MED13L: variants seen among roughly 807,000 people sequenced by gnomAD.
The protein encoded by MED13L is mediator of RNA polymerase II transcription subunit 13-like.
Under a neutral mutation model 220.9 loss-of-function variants are expected in MED13L, and 7 were observed. That is an observed-to-expected ratio of 0.03 (90% CI 0.02 to 0.06). The LOEUF is 0.06. Ranked by LOEUF, MED13L falls within the 10% of genes least tolerant of loss-of-function variation. MED13L has a pLI of 1.00. For missense variants in MED13L, 1,965 were observed against 2,760.5 expected (o/e 0.71, Z 6.46); for synonymous variants, 1,011 against 1,015.2 (o/e 1.00, Z 0.08).
Position 116,076,059 on chromosome 12 carries a change from G to A in MED13L, c.479+20610C>T, listed in dbSNP as rs552101155. On this transcript the variant is annotated intron_variant, in intron 4 of 30. Transcript: ENST00000281928. ...CTCCCGAGTAGCTGGGACTACAGGC[G>A]CCCGCTACCACGCCCGGCTAATTTT... Among the ~76,000 whole-genome samples, 1,374 of 151,824 alleles carry A rather than the reference G, an allele frequency of 9.0e-3. 23 individuals carry two copies. The highest frequency in any genetic ancestry group is 0.032 in the African/African-American group (1,323 of 41,364).
intron 25 of MED13L, 40 bp from the exon 26 acceptor site, chr12:115,972,276 T>C (rs772846927): frequency 1.2e-6 from 2 of 1,605,744 alleles, no homozygotes; most frequent in Non-Finnish European, 1.7e-6. Flanking sequence ...TCTTTAGAAA[T>C]TCATACTGAT....
At position 116,057,873 on chromosome 12, in the gene MED13L, A is replaced by G. The variant is rs191672301; in HGVS notation, c.480-35272T>C. ...TTTTTATTTCTGGTGCTTACAAAAT[A>G]AAGTCTTATTTTAAATCATTGAGCT... On this transcript the variant is annotated intron_variant, in intron 4 of 30. Coordinates refer to ENST00000281928, the MANE Select transcript of MED13L (RefSeq NM_015335.5). 9.2e-5 allele frequency among the ~76,000 whole-genome samples: 14 copies of G among 152,280 alleles called. No homozygotes were observed. The East Asian group carries it at 2.1e-3, about 23-fold the overall frequency.
intron 2 of MED13L, among the ~76,000 whole-genome samples, chr12:116,147,881 T>C (rs1027848479): frequency 6.6e-6 from 1 of 150,716 alleles, no homozygotes; most frequent in South Asian, 2.1e-4. Flanking sequence ...AAAGATGAGG[T>C]TTTTTTAACA....
chr12:116,047,943 T>G (rs975993445), intron 4 of MED13L, among the ~76,000 whole-genome samples: 1 of 152,186 alleles, frequency 6.6e-6, no homozygotes, highest in Non-Finnish European at 1.5e-5. Context: ...ATAAAACATT[T>G]ACTGAATGTG....
At chr12:116,058,788 A>G (rs1869187745) in intron 4 of MED13L, among the ~76,000 whole-genome samples, 2 of 152,200 alleles carry the variant, frequency 1.3e-5, no homozygotes, top group South Asian at 4.1e-4. Context: ...TTCTATATTT[A>G]GCATTACATT....
chr12:116,068,202 G>GC lies in MED13L; in HGVS notation c.479+28466dup, dbSNP rs920336963. On this transcript the variant is annotated intron_variant, in intron 4 of 30. Transcript: ENST00000281928. ...TAGCACTGGAAAGTTCTATGTGCCT[G>GC]CCGTAATCAGCCTCAGATGCATCTG... 2.5e-4 allele frequency among the ~76,000 whole-genome samples: 38 copies of GC among 152,256 alleles called. 1 individual carries two copies. Among genetic ancestry groups the GC allele is most frequent in the African/African-American group, 9.1e-4 (38 of 41,554 alleles).
chr12:116,220,568 G>A (rs1042435235), intron 2 of MED13L, among the ~76,000 whole-genome samples: 4 of 152,266 alleles, frequency 2.6e-5, no homozygotes, highest in African/African-American at 9.6e-5. Context: ...GCATGGTGGT[G>A]CTCATTTGTA....
intron 15 of MED13L, 60 bp from the exon 16 acceptor site, chr12:115,996,741 T>A (rs2137329189): frequency 1.4e-6 from 2 of 1,428,506 alleles, no homozygotes; most frequent in South Asian, 2.3e-5. Flanking sequence ...CACACCACAG[T>A]GGCATAGTGC....
chr12:116,153,789 G>A (rs920658353), intron 2 of MED13L, among the ~76,000 whole-genome samples: 1 of 152,100 alleles, frequency 6.6e-6, no homozygotes, highest in Admixed American at 6.6e-5. Context: ...TAGTATATCT[G>A]GTTTAATGCT....
Position 116,086,283 on chromosome 12 carries a change from CT to C in MED13L, c.479+10385del, listed in dbSNP as rs756507659. On this transcript the variant is annotated intron_variant, in intron 4 of 30. Transcript: ENST00000281928. ...AATTTAGCAGTTTTCCACGATAATT[CT>C]TTTTTTTTTTTTTTTGAGACAAGAG... Among the ~76,000 whole-genome samples, 561 of 109,410 alleles carry C rather than the reference CT, an allele frequency of 5.1e-3. 1 individual carries two copies. Among genetic ancestry groups the C allele is most frequent in the Middle Eastern group, 9.9e-3 (2 of 202 alleles). The allele number at this position is 109,410 out of a possible 152,430, so 71.8% of individuals were successfully genotyped here. A position where few individuals can be genotyped will look rare whatever the true frequency, so the allele number is the denominator to read the frequency against.
chr12:116,260,759 C>T (rs916883013), intron 1 of MED13L, among the ~76,000 whole-genome samples: 1 of 152,178 alleles, frequency 6.6e-6, no homozygotes, highest in African/African-American at 2.4e-5. Flanking sequence ...TGAAGGAAAA[C>T]AGATGGAATG....
chr12:116,266,491 G>C (rs554071350), intron 1 of MED13L, among the ~76,000 whole-genome samples: 2 of 152,136 alleles, frequency 1.3e-5, no homozygotes, highest in Non-Finnish European at 2.9e-5. Flanking sequence ...TCCTCTCCTT[G>C]GCCTAGAAGA....
chr12:116,032,710 T>C lies in MED13L; in HGVS notation c.480-10109A>G, dbSNP rs146868239. Among the ~76,000 whole-genome samples the C allele has an allele frequency of 3.4e-3, 518 of 152,328 alleles. 5 individuals are homozygous for C. Among genetic ancestry groups the C allele is most frequent in the Middle Eastern group, 0.02 (6 of 294 alleles). Reference sequence around the variant, plus strand: ...ACAAAATTTAAAGTTACAACCGCCATGGGTCTCTTCCCTATTTTTTTTCCA... The same window carrying C: ...ACAAAATTTAAAGTTACAACCGCCACGGGTCTCTTCCCTATTTTTTTTCCA... On this transcript the variant is annotated intron_variant, in intron 4 of 30. Coordinates refer to ENST00000281928, the MANE Select transcript of MED13L (RefSeq NM_015335.5).
intron 2 of MED13L, among the ~76,000 whole-genome samples, chr12:116,197,780 A>G (rs1267005140): frequency 1.3e-5 from 2 of 150,658 alleles, no homozygotes; most frequent in African/African-American, 2.4e-5. Flanking sequence ...AAAGAAAAAA[A>G]GGAAAAAAAA....
intron 6 of MED13L, 71 bp from the exon 7 acceptor site, chr12:116,019,483 T>C: frequency 6.5e-7 from 1 of 1,537,438 alleles, no homozygotes; most frequent in Non-Finnish European, 9.0e-7. Context: ...AATTTTATGA[T>C]TCCAATGGTG....
intron 4 of MED13L, among the ~76,000 whole-genome samples, chr12:116,039,033 T>TA (rs1881368230): frequency 6.6e-6 from 1 of 152,130 alleles, no homozygotes; most frequent in Admixed American, 6.6e-5. Context: ...CAATTCTATC[T>TA]AAAAAACTGA....
chr12:115,976,038 T>C (rs1370145803), intron 23 of MED13L, among the ~76,000 whole-genome samples: 1 of 152,112 alleles, frequency 6.6e-6, no homozygotes, highest in African/African-American at 2.4e-5. Flanking sequence ...AAATTGAAAC[T>C]ACAATGAGAT....
chr12:116,272,012 ATCTAC>A lies in MED13L; in HGVS notation c.72+5043_72+5047del, dbSNP rs146240019. On this transcript the variant is annotated intron_variant, in intron 1 of 30. Coordinates refer to ENST00000281928, the MANE Select transcript of MED13L (RefSeq NM_015335.5). ...AAATAAGTCGAATGTTTCAAAAAAA[ATCTAC>A]TCTATCTTTGATTCAAAGTTGAGAG... 6.7e-3 allele frequency among the ~76,000 whole-genome samples: 1,024 copies of A among 152,046 alleles called. 9 individuals carry two copies. The highest frequency in any genetic ancestry group is 0.023 in the African/African-American group (949 of 41,538).
intron 16 of MED13L, among the ~76,000 whole-genome samples, chr12:115,993,604 G>C (rs1878209240): frequency 6.6e-6 from 1 of 151,040 alleles, no homozygotes; most frequent in South Asian, 2.1e-4. Flanking sequence ...TGCTCTCTTA[G>C]AGACCAAAAT....
Sources: allele counts gnomAD v4.1 joint callset (sites outside exome capture counted in the v4.1 genomes callset), GRCh38; gene constraint gnomAD v4.1.1; transcripts MANE v1.5; gene names NCBI Gene and HGNC (gene_info 2026-07-23, HGNC 2026-07-21).